C6orf52: variants seen among roughly 807,000 people sequenced by gnomAD.
The protein encoded by C6orf52 is putative uncharacterized protein C6orf52.
C6orf52 carries 16 observed loss-of-function variants against 16.6 expected under a neutral mutation model. That is an observed-to-expected ratio of 0.96 (90% confidence interval 0.65 to 1.46). C6orf52 has a LOEUF of 1.46. Among genes scored for constraint, C6orf52 ranks in the 40% most tolerant of loss-of-function variants. C6orf52 has a pLI of 0.00. For synonymous variants in C6orf52, 53 were observed against 61.4 expected (o/e 0.86, Z 0.64); for missense variants, 166 against 182.3 (o/e 0.91, Z 0.52).
At position 10,687,543 on chromosome 6, in the gene C6orf52, T is replaced by C; in HGVS notation, c.8A>G (p.Gln3Arg). 6.5e-7 allele frequency: 1 copy of C among 1,550,204 alleles called. No homozygotes were observed. The highest frequency in any genetic ancestry group is 8.7e-7 in the Non-Finnish European group (1 of 1,145,792). ...GCCAAAATCTGCAGAACTCTCTGGT[T>C]GGGCCATTTACCCAGAAACTTTACA... MA[Q>R]PESSADFGIA... Residue 3 changes from glutamine (Q) to arginine (R), a missense_variant, in exon 2 of 5, where the codon CAA becomes CGA. Gln to Arg is a conservative substitution (Grantham distance 43). Transcript: ENST00000259983.
At chr6:10,684,901 C>G (rs144587302) in intron 3 of C6orf52, 1 of 1,288,002 alleles carries the variant, frequency 7.8e-7, no homozygotes, top group Non-Finnish European at 1.0e-6. Flanking sequence ...AGCAGGATGG[C>G]AGGCAGATGG....
chr6:10,688,034 C>T (rs1247144828), intron 1 of C6orf52, among the ~76,000 whole-genome samples: 1 of 152,104 alleles, frequency 6.6e-6, no homozygotes, highest in Non-Finnish European at 1.5e-5. Context: ...CTGGCTTTTT[C>T]TTTTTTTAAT....
At chr6:10,683,881 G>A (rs950540988) in intron 3 of C6orf52, among the ~76,000 whole-genome samples, 2 of 152,122 alleles carry the variant, frequency 1.3e-5, no homozygotes, top group Non-Finnish European at 2.9e-5. Context: ...CTTCTATGTA[G>A]ACCTGTTGGG....
intron 1 of C6orf52, among the ~76,000 whole-genome samples, chr6:10,693,560 C>T (rs1056208844): frequency 1.3e-5 from 2 of 152,188 alleles, no homozygotes; most frequent in African/African-American, 4.8e-5. Context: ...CACTGTATCG[C>T]ACTTGAAATG....
At chr6:10,694,808 C>A (rs140748762), upstream of C6orf52, 26 of 558,014 alleles carry the variant, frequency 4.7e-5, 2 homozygotes, top group South Asian at 5.7e-4. Context: ...CATGTGACCT[C>A]CCCGCGCTTA....
At chr6:10,677,536 T>A (rs2127462245) in intron 4 of C6orf52, among the ~76,000 whole-genome samples, 1 of 145,290 alleles carries the variant, frequency 6.9e-6, no homozygotes, top group South Asian at 2.2e-4. Flanking sequence ...CATTTTTTTC[T>A]TTTTTTTTTT....
intron 3 of C6orf52, among the ~76,000 whole-genome samples, chr6:10,685,269 C>T (rs1327569963): frequency 1.4e-5 from 2 of 145,824 alleles, no homozygotes; most frequent in African/African-American, 5.2e-5. Flanking sequence ...AAAAAGAGTG[C>T]CAAAACCACA....
Position 10,687,010 on chromosome 6 carries a change from G to A in C6orf52, c.226C>T (p.His76Tyr). The change falls in exon 3 of 5, where the codon CAT becomes TAT. Residue 76 changes from histidine (H) to tyrosine (Y), a missense_variant. By Grantham distance (83) the His-to-Tyr change is moderately conservative (BLOSUM62 2). Coordinates refer to ENST00000259983, the MANE Select transcript of C6orf52 (RefSeq NM_001145020.3). The stretch of plus-strand genomic sequence containing the variant: ...CCAGCTGTGTGTTCAGGGGTCTCAT[G>A]CGCAGAAAAACAGTCCTTTCCATTT... The part of the protein sequence containing the change: ...DGNGKDCFSA[H>Y]ETPEHTAGTL... 3 of 1,551,590 alleles carry A rather than the reference G, an allele frequency of 1.9e-6. No individual in the cohort carries two copies. Among genetic ancestry groups the A allele is most frequent in the Non-Finnish European group, 2.6e-6 (3 of 1,146,912 alleles).
intron 4 of C6orf52, chr6:10,674,639 C>CTTTCTTTT (rs1767707466): frequency 7.9e-6 from 1 of 126,338 alleles, no homozygotes; most frequent in African/African-American, 2.9e-5. Flanking sequence ...TTCTTTCTTT[C>CTTTCTTTT]TTTTTTTTTT....
At chr6:10,688,417 C>G (rs1262385575) in intron 1 of C6orf52, among the ~76,000 whole-genome samples, 1 of 152,174 alleles carries the variant, frequency 6.6e-6, no homozygotes, top group African/African-American at 2.4e-5. Flanking sequence ...TAGGGTTTGG[C>G]CATTTCCCTG....
intron 4 of C6orf52, among the ~76,000 whole-genome samples, chr6:10,672,075 G>GAA (rs1419357221): frequency 6.6e-6 from 1 of 152,186 alleles, no homozygotes; most frequent in East Asian, 1.9e-4. Flanking sequence ...AGAAAGACAG[G>GAA]AGGACTTGGC....
intron 1 of C6orf52, among the ~76,000 whole-genome samples, chr6:10,691,916 T>C (rs1408916055): frequency 6.6e-6 from 1 of 152,196 alleles, no homozygotes; most frequent in Non-Finnish European, 1.5e-5. Context: ...GAACCAACTA[T>C]ATTCTAAAAT....
chr6:10,684,655 A>AC (rs772980769), intron 3 of C6orf52, among the ~76,000 whole-genome samples: 14 of 152,258 alleles, frequency 9.2e-5, no homozygotes, highest in Non-Finnish European at 1.3e-4. Context: ...ATCCACCTCC[A>AC]CAACGTGAAA....
chr6:10,671,685 A>G, intron 4 of C6orf52, 87 bp from the exon 5 acceptor site: 1 of 858,814 alleles, frequency 1.2e-6, no homozygotes, highest in Non-Finnish European at 1.7e-6. Context: ...GCTTTTAGAA[A>G]GCATTTGCAG....
Position 10,687,068 on chromosome 6 carries a change from A to C in C6orf52, c.168T>G (p.Leu56=). 1 of 1,551,992 alleles carries C rather than the reference A, an allele frequency of 6.4e-7. No individual in the cohort carries two copies. Among genetic ancestry groups the C allele is most frequent in the South Asian group, 1.2e-5 (1 of 84,064 alleles). Residue 56 remains leucine (L), a synonymous_variant, in exon 3 of 5, where the codon CTT becomes CTG. Transcript: ENST00000259983. ...CTGCACAGCCATAGCTGTAGCCAGA[A>C]AGAAGGTAAGAGCCGTGCTGTCGCG... The part of the protein sequence containing the change: ...WYARQHGSYL[L]SGYSYGCAVD...
chr6:10,684,715 T>G, intron 3 of C6orf52: 1 of 429,296 alleles, frequency 2.3e-6, no homozygotes, highest in Non-Finnish European at 4.3e-6. Flanking sequence ...CTTGGGGAGA[T>G]AAAGGTTATG....
In C6orf52 at chr6:10,681,403, G is replaced by A. The variant is rs560529078; in HGVS notation, c.316+1784C>T. 1.5e-4 allele frequency among the ~76,000 whole-genome samples: 23 copies of A among 152,058 alleles called. No individual in the cohort carries two copies. The South Asian group carries it at 4.8e-3, about 32-fold the overall frequency. Reference sequence around the variant, plus strand: ...CAACCCTTCATTTTGTTGATCTTTTGTATTGTTTTTCTAGTTTCTATCTAT... The same window carrying A: ...CAACCCTTCATTTTGTTGATCTTTTATATTGTTTTTCTAGTTTCTATCTAT... On this transcript the variant is annotated intron_variant, in intron 4 of 4. Transcript: ENST00000259983.
At chr6:10,687,358 G>A (rs953094875) in intron 2 of C6orf52, 122 bp downstream of exon 2, 17 of 846,450 alleles carry the variant, frequency 2.0e-5, no homozygotes, top group African/African-American at 3.5e-5. Flanking sequence ...AAACCTGCAC[G>A]TTCTGCACAT....
At chr6:10,684,005 T>C (rs1768634732) in intron 3 of C6orf52, among the ~76,000 whole-genome samples, 1 of 152,256 alleles carries the variant, frequency 6.6e-6, no homozygotes, top group Non-Finnish European at 1.5e-5. Flanking sequence ...GAGAAGATAC[T>C]GAGAGCCAAA....
Sources: gnomAD v4.1 joint callset for allele counts (sites outside exome capture counted in the v4.1 genomes callset) on GRCh38, gnomAD v4.1.1 for gene constraint, MANE v1.5 for transcripts, NCBI Gene and HGNC (gene_info 2026-07-23, HGNC 2026-07-21) for gene names.